The following PTPN3 variants were observed in gnomAD, a reference collection of about 807,000 sequenced individuals.
PTPN3 encodes the protein protein tyrosine phosphatase non-receptor type 3, also known as tyrosine-protein phosphatase non-receptor type 3.
In PTPN3, 96 loss-of-function variants were observed where a neutral mutation model predicts 132.7. The ratio of observed to expected loss-of-function variants is 0.72; its 90% CI spans 0.61 to 0.86. The LOEUF is 0.86. PTPN3 is among the 40% of genes least tolerant of loss of function. The pLI is 0.00. For synonymous variants in PTPN3, 398 were observed against 429.0 expected (o/e 0.93, Z 0.89); for missense variants, 1,125 against 1,159.6 (o/e 0.97, Z 0.43).
In PTPN3 at chr9:109,404,541, GA is replaced by G; in HGVS notation, c.1859del (p.Phe620SerfsTer18). ...ELNQLFPEAI[F>X]PMCPEGGDTL... Reference sequence around the variant, plus strand: ...TGTCCCCACCCTCCGGACACATGGGGAAAATGGCTTCGGGGAAAAGCTGGTT... The same window carrying G: ...TGTCCCCACCCTCCGGACACATGGGGAAATGGCTTCGGGGAAAAGCTGGTT... On this transcript the variant is annotated frameshift_variant, in exon 19 of 26. Coordinates refer to ENST00000374541, the MANE Select transcript of PTPN3 (RefSeq NM_002829.4). LOFTEE classifies it high-confidence loss of function. 1.1e-5 allele frequency: 18 copies of G among 1,569,670 alleles called. No homozygotes were observed. Among genetic ancestry groups the G allele is most frequent in the South Asian group, 6.1e-5 (5 of 82,186 alleles).
chr9:109,463,517 T>C (rs1446713836), intron 1 of PTPN3, 66 bp from the exon 2 acceptor site: 15 of 1,444,406 alleles, frequency 1.0e-5, no homozygotes, highest in African/African-American at 1.4e-5. Flanking sequence ...TGAGTGCAGA[T>C]ACCTGTCAGA....
At chr9:109,389,073 C>T (rs1839834184) in intron 22 of PTPN3, among the ~76,000 whole-genome samples, 160 bp downstream of exon 22, 1 of 152,054 alleles carries the variant, frequency 6.6e-6, no homozygotes, top group Non-Finnish European at 1.5e-5. Context: ...CTGAGCCTCC[C>T]GTCACTAGGG....
intron 22 of PTPN3, among the ~76,000 whole-genome samples, chr9:109,388,395 G>T: frequency 6.6e-6 from 1 of 152,194 alleles, no homozygotes; most frequent in East Asian, 1.9e-4. Context: ...CCTCAGAGGA[G>T]ATGGGAATCT....
chr9:109,518,990 C>T, the PTPN3 span, among the ~76,000 whole-genome samples: 12 of 152,260 alleles, frequency 7.9e-5, no homozygotes, highest in African/African-American at 2.6e-4. Context: ...AGGAAGACTT[C>T]CTGGAGCCCC....
chr9:109,427,235 G>C, intron 11 of PTPN3, 113 bp from the exon 12 acceptor site: 1 of 1,206,926 alleles, frequency 8.3e-7, no homozygotes. Context: ...GCAGAAAACT[G>C]GTTTCAAAAT....
Position 109,390,010 on chromosome 9 carries a change from C to A in PTPN3, c.2107-631G>T, listed in dbSNP as rs915131165. Among the ~76,000 whole-genome samples, 6 of 152,302 alleles carry A rather than the reference C, an allele frequency of 3.9e-5. No homozygotes were observed. The South Asian group carries it at 8.3e-4, about 21-fold the overall frequency. ...GAACCTGCTGAGCTTTGGGCTGGCA[C>A]TGGGATTCACTCACTCTCAGGTGAG... On this transcript the variant is annotated intron_variant, in intron 21 of 25. Coordinates refer to ENST00000374541, the MANE Select transcript of PTPN3 (RefSeq NM_002829.4).
chr9:109,382,575 C>T, intron 23 of PTPN3, 128 bp from the exon 24 acceptor site: 1 of 1,050,762 alleles, frequency 9.5e-7, no homozygotes, highest in African/African-American at 1.6e-5. Flanking sequence ...CTGCTGTGGC[C>T]CCTAGCAATT....
intron 7 of PTPN3, among the ~76,000 whole-genome samples, chr9:109,440,847 GT>G (rs1490496266): frequency 1.3e-5 from 2 of 152,172 alleles, no homozygotes; most frequent in Non-Finnish European, 2.9e-5. Context: ...CTGTGGGGTG[GT>G]TTTCCCTTTA....
chr9:109,414,382 C>A (rs1842317045), intron 14 of PTPN3, among the ~76,000 whole-genome samples: 1 of 152,218 alleles, frequency 6.6e-6, no homozygotes, highest in Non-Finnish European at 1.5e-5. Context: ...AGCTGCTGGC[C>A]TGTGGCCACA....
At position 109,389,250 on chromosome 9, in the gene PTPN3, G is replaced by C; in HGVS notation, c.2236C>G (p.Leu746Val). Residue 746 changes from leucine to valine, a missense_variant, in exon 22 of 26, where the codon CTC (leucine) becomes GTC (valine). Transcript: ENST00000374541. Reference sequence around the variant, plus strand: ...CTACTTACCCGCCCTCGTTCTGTGAGAGTCGTCAACATGACAATGAGTGAC... The same window carrying C: ...CTACTTACCCGCCCTCGTTCTGTGACAGTCGTCAACATGACAATGAGTGAC... ...KLSLIVMLTT[L>V]TERGRTKCHQ... The C allele has an allele frequency of 1.2e-6, 2 of 1,614,180 alleles. No individual in the cohort carries two copies. The highest frequency in any genetic ancestry group is 2.2e-5 in the South Asian group (2 of 91,080).
At chr9:109,425,396 T>C (rs1204070803) in intron 12 of PTPN3, among the ~76,000 whole-genome samples, 1 of 152,144 alleles carries the variant, frequency 6.6e-6, no homozygotes, top group East Asian at 1.9e-4. Flanking sequence ...ACGAAAACAA[T>C]TTTGAAAAAC....
chr9:109,391,428 T>A (rs755050466), intron 20 of PTPN3, 43 bp downstream of exon 20: 1 of 1,547,524 alleles, frequency 6.5e-7, no homozygotes, highest in African/African-American at 1.4e-5. Flanking sequence ...GGAAACATTA[T>A]CTCAGTGTAG....
In PTPN3 at chr9:109,448,898, T is replaced by C. The variant is rs369912766; in HGVS notation, c.369-43A>G. The C allele has an allele frequency of 1.4e-5, 16 of 1,162,082 alleles. 1 individual carries two copies. Among genetic ancestry groups the C allele is most frequent in the South Asian group, 1.2e-4 (4 of 33,262 alleles). The allele number at this position is 1,162,082 out of a possible 1,614,324, so 72.0% of individuals were successfully genotyped here. On this transcript the variant is annotated intron_variant, in intron 5 of 25. Coordinates refer to ENST00000374541, the MANE Select transcript of PTPN3 (RefSeq NM_002829.4). ...TCATTAATTCATACTCAAACTGAAA[T>C]AAGCAAAAAAAAAAAAAAAAGAAAG...
chr9:109,420,563 G>T lies in PTPN3; in HGVS notation c.1174C>A (p.Arg392Ser). The T allele has an allele frequency of 6.2e-7, 1 of 1,612,080 alleles. No homozygotes were observed. The highest frequency in any genetic ancestry group is 2.2e-5 in the East Asian group (1 of 44,862). Residue 392 changes from arginine (R) to serine (S), a missense_variant, in exon 14 of 26, where the codon CGC becomes AGC. By Grantham distance (110) the Arg-to-Ser change is moderately radical (BLOSUM62 -1). Transcript: ENST00000374541. Reference protein sequence around the residue: ...PRLRHEIRKPRHSSADNLANE... With the variant: ...PRLRHEIRKPSHSSADNLANE... ...GCAAGGTTATCTGCAGAAGAGTGGC[G>T]TGGCTTTCGGATTTCGTGCCGGAGC...
rs534778934 is a variant in PTPN3, at chr9:109,393,877, C to T, written c.1954-2316G>A. Among the ~76,000 whole-genome samples, 30 of 152,256 alleles carry T rather than the reference C, an allele frequency of 2.0e-4. No homozygotes were observed. In the South Asian group the frequency reaches 5.2e-3, roughly 26 times the overall value. ...CTAAATAAATAAATTACACAGAACT[C>T]CCCAGAAGATAATTAACATAGAGAG... On this transcript the variant is annotated intron_variant, in intron 19 of 25. Coordinates refer to ENST00000374541, the MANE Select transcript of PTPN3 (RefSeq NM_002829.4).
At chr9:109,508,593 G>A in the PTPN3 span, among the ~76,000 whole-genome samples, 1 of 152,180 alleles carries the variant, frequency 6.6e-6, no homozygotes, top group Admixed American at 6.5e-5. Flanking sequence ...TATGTGAAGG[G>A]CTATGTGCCC....
intron 16 of PTPN3, among the ~76,000 whole-genome samples, chr9:109,408,794 A>ATATATATATATATATATATATGGGCTTT (rs373957307): frequency 1.6e-4 from 14 of 87,374 alleles, no homozygotes; most frequent in African/African-American, 7.3e-4. Flanking sequence ...AAAAAAAAAA[A>ATATATATATATATATATATATGGGCTTT]AAATATATAT....
chr9:109,488,084 A>T (rs1201237776), intron 1 of PTPN3, among the ~76,000 whole-genome samples: 1 of 141,314 alleles, frequency 7.1e-6, no homozygotes, highest in Non-Finnish European at 1.5e-5. Flanking sequence ...CGGGGGGAGG[A>T]GGGAAGTACT....
the PTPN3 span, among the ~76,000 whole-genome samples, chr9:109,510,599 A>T: frequency 0.47 from 38,886 of 83,510 alleles, 8,625 homozygotes; most frequent in South Asian, 0.56. Flanking sequence ...ATATATATAT[A>T]TATATATATG....
Sources: gnomAD v4.1 joint callset for allele counts (sites outside exome capture counted in the v4.1 genomes callset) on GRCh38, gnomAD v4.1.1 for gene constraint, MANE v1.5 for transcripts, NCBI Gene and HGNC (gene_info 2026-07-23, HGNC 2026-07-21) for gene names.